Variants in KLHL1 observed in about 807,000 individuals in gnomAD.
KLHL1 encodes kelch-like protein 1.
A neutral mutation model predicts 77.7 loss-of-function variants in KLHL1; 47 were observed. The ratio of observed to expected loss-of-function variants is 0.60; its 90% CI spans 0.48 to 0.77. The LOEUF is 0.77. Ranked by LOEUF, KLHL1 falls within the 30% of genes least tolerant of loss-of-function variation. The pLI is 0.00. For missense variants in KLHL1, 925 were observed against 910.8 expected (o/e 1.02, Z -0.20); for synonymous variants, 360 against 325.2 (o/e 1.11, Z -1.15).
At chr13:69,784,334 A>G (rs1255914609) in intron 7 of KLHL1, among the ~76,000 whole-genome samples, 2 of 152,104 alleles carry the variant, frequency 1.3e-5, no homozygotes, top group African/African-American at 4.8e-5. Flanking sequence ...ACACATAACA[A>G]TGTTAACTTT....
At chr13:70,103,029 TA>T (rs1887961337) in intron 1 of KLHL1, among the ~76,000 whole-genome samples, 1 of 152,120 alleles carries the variant, frequency 6.6e-6, no homozygotes, top group South Asian at 2.1e-4. Context: ...AGAATTTTTT[TA>T]AAAAGTAGAG....
intron 4 of KLHL1, among the ~76,000 whole-genome samples, chr13:69,897,110 T>G (rs1881674562): frequency 6.6e-6 from 1 of 152,210 alleles, no homozygotes; most frequent in Non-Finnish European, 1.5e-5. Flanking sequence ...CCTGATAATT[T>G]ATTTAAAAAT....
At chr13:69,955,644 G>C (rs1176678952) in intron 3 of KLHL1, among the ~76,000 whole-genome samples, 1 of 150,920 alleles carries the variant, frequency 6.6e-6, no homozygotes, top group African/African-American at 2.4e-5. Flanking sequence ...CTATGTAAGA[G>C]ATAAACTAGG....
chr13:70,018,210 C>T (rs915280092), intron 1 of KLHL1, among the ~76,000 whole-genome samples: 3 of 152,154 alleles, frequency 2.0e-5, no homozygotes, highest in African/African-American at 7.2e-5. Context: ...TATGTTAATA[C>T]AATCGTTACT....
At chr13:70,008,296 G>A (rs1350246970) in intron 1 of KLHL1, among the ~76,000 whole-genome samples, 1 of 151,906 alleles carries the variant, frequency 6.6e-6, no homozygotes, top group East Asian at 1.9e-4. Context: ...TACAACTTAG[G>A]AAAAACTTCA....
At chr13:69,838,853 A>G (rs1435028102) in intron 6 of KLHL1, 123 bp downstream of exon 6, 1 of 557,786 alleles carries the variant, frequency 1.8e-6, no homozygotes, top group Non-Finnish European at 2.9e-6. Context: ...TTCTCCCTTA[A>G]TCTTAAATTA....
In KLHL1 at chr13:69,919,948, G is replaced by A. The variant is rs543382931; in HGVS notation, c.1014+20092C>T. ...TGTGTCCTTTCATGTCTCCACATCA[G>A]AAGCCACTTCTTCACATAACTCACT... is the stretch of plus-strand genomic sequence containing the variant. On this transcript the variant is annotated intron_variant, in intron 4 of 10. Coordinates refer to ENST00000377844, the MANE Select transcript of KLHL1 (RefSeq NM_020866.3). 5.9e-5 allele frequency among the ~76,000 whole-genome samples: 9 copies of A among 152,150 alleles called. No individual in the cohort carries two copies. In the East Asian group the frequency reaches 1.5e-3, roughly 26 times the overall value.
chr13:70,040,786 G>A (rs1399238134), intron 1 of KLHL1, among the ~76,000 whole-genome samples: 1 of 151,970 alleles, frequency 6.6e-6, no homozygotes, highest in Non-Finnish European at 1.5e-5. Context: ...AAATTTGGGG[G>A]AATTTTCAGT....
intron 8 of KLHL1, among the ~76,000 whole-genome samples, chr13:69,728,055 C>T (rs1026787440): frequency 6.6e-6 from 1 of 152,096 alleles, no homozygotes; most frequent in African/African-American, 2.4e-5. Context: ...TAAAAATCAT[C>T]TCTTTCAGTA....
chr13:69,890,107 G>T (rs1017026730), intron 4 of KLHL1, among the ~76,000 whole-genome samples: 1 of 151,960 alleles, frequency 6.6e-6, no homozygotes, highest in East Asian at 1.9e-4. Context: ...GAGGGGGACA[G>T]TATAGTATTA....
chr13:69,920,575 T>C (rs1375998732), intron 4 of KLHL1, among the ~76,000 whole-genome samples: 2 of 152,114 alleles, frequency 1.3e-5, no homozygotes, highest in African/African-American at 4.8e-5. Flanking sequence ...AATGTATAAA[T>C]GGGCTTTTTT....
At chr13:69,764,727 C>G (rs2137970791) in intron 7 of KLHL1, among the ~76,000 whole-genome samples, 1 of 151,972 alleles carries the variant, frequency 6.6e-6, no homozygotes, top group South Asian at 2.1e-4. Context: ...TGCAGAATAC[C>G]TCTCAACACA....
At chr13:69,870,451 G>GA (rs909290288) in intron 5 of KLHL1, among the ~76,000 whole-genome samples, 1 of 151,856 alleles carries the variant, frequency 6.6e-6, no homozygotes, top group Non-Finnish European at 1.5e-5. Flanking sequence ...GTTTTTGGGG[G>GA]ACAAACATCC....
At chr13:70,075,021 T>A (rs995242427) in intron 1 of KLHL1, among the ~76,000 whole-genome samples, 12 of 152,084 alleles carry the variant, frequency 7.9e-5, no homozygotes, top group Non-Finnish European at 1.6e-4. Context: ...CTCCAAAGAT[T>A]CACTGAAAAT....
chr13:69,779,646 ATATGTCTATATCTTTATCAAATCT>A (rs1876031310), intron 7 of KLHL1, among the ~76,000 whole-genome samples: 1 of 152,002 alleles, frequency 6.6e-6, no homozygotes, highest in Admixed American at 6.6e-5. Context: ...TTGTAAACAC[ATATGTCTATATCTTTATCAAATCT>A]GCCTTAGTAG....
intron 6 of KLHL1, among the ~76,000 whole-genome samples, chr13:69,827,128 A>G (rs1274797642): frequency 2.0e-5 from 3 of 151,678 alleles, no homozygotes; most frequent in Non-Finnish European, 4.4e-5. Context: ...CTCAATGGAA[A>G]TTAATAAAAC....
chr13:69,972,254 A>G (rs2137286837), intron 2 of KLHL1, among the ~76,000 whole-genome samples: 1 of 152,034 alleles, frequency 6.6e-6, no homozygotes, highest in East Asian at 1.9e-4. Context: ...CATCATTTCA[A>G]TTGTCACTTT....
intron 6 of KLHL1, 93 bp from the exon 7 acceptor site, chr13:69,797,055 CT>C (rs1243124269): frequency 1.0e-6 from 1 of 973,614 alleles, no homozygotes; most frequent in East Asian, 2.4e-5. Flanking sequence ...TGAAAACACT[CT>C]TGTCATATTC....
chr13:70,066,718 C>T (rs1220513457), intron 1 of KLHL1, among the ~76,000 whole-genome samples: 9 of 152,162 alleles, frequency 5.9e-5, no homozygotes, highest in Admixed American at 2.6e-4. Context: ...TTGTCAATGT[C>T]AAAGCTGGAA....
Sources: allele counts gnomAD v4.1 joint callset (sites outside exome capture counted in the v4.1 genomes callset), GRCh38; gene constraint gnomAD v4.1.1; transcripts MANE v1.5; gene names NCBI Gene and HGNC (gene_info 2026-07-23, HGNC 2026-07-21).